CDADC1: variants seen among roughly 807,000 people sequenced by gnomAD.
CDADC1 encodes dCTP deaminase.
CDADC1 carries 39 observed loss-of-function variants against 54.9 expected under a neutral mutation model. That is an observed-to-expected ratio of 0.71 (90% CI 0.55 to 0.93). The LOEUF (loss-of-function observed/expected upper bound fraction) is 0.93, where lower values mean the gene tolerates loss of function less well. Among genes scored for constraint, CDADC1 ranks in the 40% least tolerant of loss-of-function variants. The pLI is 0.00. For synonymous variants in CDADC1, 186 were observed against 204.0 expected (o/e 0.91, Z 0.75); for missense variants, 518 against 618.8 (o/e 0.84, Z 1.73).
At chr13:49,248,210 C>A in intron 1 of CDADC1, 91 bp downstream of exon 1, 1 of 1,145,130 alleles carries the variant, frequency 8.7e-7, no homozygotes, top group Non-Finnish European at 1.3e-6. Context: ...TTGTCTGAGC[C>A]TCTTTGCCTC....
At chr13:49,250,088 T>A (rs994639647) in intron 2 of CDADC1, among the ~76,000 whole-genome samples, 2 of 152,232 alleles carry the variant, frequency 1.3e-5, no homozygotes, top group African/African-American at 4.8e-5. Flanking sequence ...ACTGTTAATA[T>A]TTTGGTGCTT....
chr13:49,249,689 C>T (rs544070130), intron 2 of CDADC1, among the ~76,000 whole-genome samples: 1 of 152,130 alleles, frequency 6.6e-6, no homozygotes, highest in African/African-American at 2.4e-5. Flanking sequence ...GCTGAGATTG[C>T]ACCACTGCAC....
At position 49,291,894 on chromosome 13, in the gene CDADC1, A is replaced by T; in HGVS notation, c.*137A>T. ...TTTTTAAGGAAGCTAATTTATTTCT[A>T]GGATACAAATGGTGTTAATAAGAAT... On this transcript the variant is annotated 3_prime_UTR_variant, in exon 10 of 10. Transcript: ENST00000251108. 7.0e-7 allele frequency: 1 copy of T among 1,432,890 alleles called. No homozygotes were observed. The highest frequency in any genetic ancestry group is 2.5e-5 in the East Asian group (1 of 39,246). The allele number at this position is 1,432,890 out of a possible 1,614,324, so 88.8% of individuals were successfully genotyped here. A position where few individuals can be genotyped will look rare whatever the true frequency, so the allele number is the denominator to read the frequency against.
chr13:49,291,500 T>C (rs111552596), intron 9 of CDADC1, among the ~76,000 whole-genome samples, 184 bp from the exon 10 acceptor site: 1,779 of 152,264 alleles, frequency 0.012, 34 homozygotes, highest in African/African-American at 0.039. Flanking sequence ...AAAAGCCAGA[T>C]TCTGTATTGC....
Position 49,282,236 on chromosome 13 carries a change from G to GTTTTTTTTTTTTTTTTTTT in CDADC1, c.1410+1539_1410+1557dup, listed in dbSNP as rs759792512. Among the ~76,000 whole-genome samples the GTTTTTTTTTTTTTTTTTTT allele has an allele frequency of 1.8e-4, 17 of 94,140 alleles. 1 individual carries two copies. The highest frequency in any genetic ancestry group is 3.5e-4 in the East Asian group (1 of 2,838). 61.8% of individuals were successfully genotyped at this position (94,140 alleles called of 152,430 possible). A position where few individuals can be genotyped will look rare whatever the true frequency, so the allele number is the denominator to read the frequency against. ...ACTATTTGGGTTCTGGTTTTTGTGG[G>GTTTTTTTTTTTTTTTTTTT]TTTTTTTTTTTTTTTTTTTGCTTTT... On this transcript the variant is annotated intron_variant, in intron 8 of 9. Coordinates refer to ENST00000251108, the MANE Select transcript of CDADC1 (RefSeq NM_030911.4).
At chr13:49,260,860 G>A (rs1030481023) in intron 4 of CDADC1, among the ~76,000 whole-genome samples, 3 of 152,136 alleles carry the variant, frequency 2.0e-5, no homozygotes, top group African/African-American at 7.2e-5. Context: ...GTGATATTTG[G>A]TCTCAGAGGA....
Position 49,280,608 on chromosome 13 carries a change from A to G in CDADC1, c.1320A>G (p.Gln440=), listed in dbSNP as rs937367335. The G allele has an allele frequency of 1.9e-6, 3 of 1,602,534 alleles. No homozygotes were observed. The highest frequency in any genetic ancestry group is 2.7e-5 in the African/African-American group (2 of 74,576). ...VPLIKGAGIK[Q]IYAGDVDVGK... is the part of the protein sequence containing the mutation. ...TAATTAAAGGTGCAGGCATAAAACA[A>G]ATCTATGCAGGAGATGTAGATGTTG... is the stretch of plus-strand genomic sequence containing the variant. Residue 440 remains glutamine, a synonymous_variant, in exon 8 of 10, where the codon CAA becomes CAG. Coordinates refer to ENST00000251108, the MANE Select transcript of CDADC1 (RefSeq NM_030911.4).
intron 8 of CDADC1, among the ~76,000 whole-genome samples, chr13:49,282,562 C>T (rs1953381719): frequency 6.6e-6 from 1 of 152,190 alleles, no homozygotes; most frequent in African/African-American, 2.4e-5. Flanking sequence ...CACATAATTA[C>T]AACCATAAAA....
intron 5 of CDADC1, among the ~76,000 whole-genome samples, chr13:49,268,673 G>A (rs1952887191): frequency 6.6e-6 from 1 of 152,004 alleles, no homozygotes; most frequent in African/African-American, 2.4e-5. Context: ...TCCAAAAAAA[G>A]AAAAAGGAGA....
At chr13:49,268,418 T>C (rs1376993075) in intron 5 of CDADC1, among the ~76,000 whole-genome samples, 3 of 152,206 alleles carry the variant, frequency 2.0e-5, no homozygotes, top group Middle Eastern at 3.4e-3. Flanking sequence ...TGCAACACTT[T>C]AGAAGGCTGA....
In CDADC1 at chr13:49,259,388, G is replaced by A. The variant is rs943019534; in HGVS notation, c.295G>A (p.Val99Ile). ...GLVVVKNMKI[V>I]GLHCSSEDLH... ...TGTGGTGGTGAAAAACATGAAAATT[G>A]TTGGTCTCCACTGTTCTAGTGAAGA... Residue 99 changes from valine (V) to isoleucine (I), a missense_variant, in exon 4 of 10, where the codon GTT becomes ATT. Val to Ile is a conservative substitution (Grantham distance 29). Transcript: ENST00000251108. 4 of 1,613,194 alleles carry A rather than the reference G, an allele frequency of 2.5e-6. No individual in the cohort carries two copies. Among genetic ancestry groups the A allele is most frequent in the Non-Finnish European group, 3.4e-6 (4 of 1,179,442 alleles).
At chr13:49,290,174 G>A (rs1953657902) in intron 9 of CDADC1, among the ~76,000 whole-genome samples, 1 of 151,994 alleles carries the variant, frequency 6.6e-6, no homozygotes, top group Non-Finnish European at 1.5e-5. Flanking sequence ...TGAGTGGGGT[G>A]AAAGGGGATG....
At chr13:49,289,113 TTTTTTGC>T (rs1399081118) in intron 9 of CDADC1, among the ~76,000 whole-genome samples, 2 of 140,710 alleles carry the variant, frequency 1.4e-5, no homozygotes, top group African/African-American at 5.2e-5. Flanking sequence ...AAGTAGCTTT[TTTTTTGC>T]TTTTTTTTTT....
intron 7 of CDADC1, among the ~76,000 whole-genome samples, chr13:49,279,363 A>G (rs1426489305): frequency 1.3e-5 from 2 of 152,292 alleles, no homozygotes; most frequent in East Asian, 3.9e-4. Context: ...TGGCATCTGA[A>G]CTGAGCTTTA....
At chr13:49,289,006 G>T (rs1275255043) in intron 9 of CDADC1, among the ~76,000 whole-genome samples, 1 of 151,758 alleles carries the variant, frequency 6.6e-6, no homozygotes, top group Non-Finnish European at 1.5e-5. Context: ...TGGGTCTGCT[G>T]CAAGGTGAGT....
intron 6 of CDADC1, among the ~76,000 whole-genome samples, chr13:49,275,724 TATAGAGAGAGAGAGAGAGAGAG>T (rs1566370137): frequency 1.0e-3 from 16 of 15,456 alleles, no homozygotes; most frequent in South Asian, 6.8e-3. Flanking sequence ...TATATATATA[TATAGAGAGAGAGAGAGAGAGAG>T]AGAGAGAGAG....
Position 49,267,635 on chromosome 13 carries a change from T to C in CDADC1, c.576T>C (p.Leu192=), listed in dbSNP as rs1344112369. 6.2e-7 allele frequency: 1 copy of C among 1,614,182 alleles called. No individual in the cohort carries two copies. Residue 192 remains leucine (L), a synonymous_variant, in exon 5 of 10, where the codon CTT becomes CTC. Coordinates refer to ENST00000251108, the MANE Select transcript of CDADC1 (RefSeq NM_030911.4). ...GTCGGGCCCATGTGTGTGTCTTACT[T>C]CAACCTTTGGTGTGTTATATGGTGC... ...SNSRAHVCVL[L]QPLVCYMVQF...
chr13:49,289,172 A>G (rs998538240), intron 9 of CDADC1, among the ~76,000 whole-genome samples: 2 of 114,230 alleles, frequency 1.8e-5, no homozygotes, highest in African/African-American at 6.9e-5. Flanking sequence ...TCTGTCGCCC[A>G]GTCTGGAGTG....
At chr13:49,273,351 G>A (rs532282418) in intron 5 of CDADC1, among the ~76,000 whole-genome samples, 2 of 152,248 alleles carry the variant, frequency 1.3e-5, no homozygotes, top group South Asian at 2.1e-4. Context: ...TATTTTCTAC[G>A]TGTAAATGTG....
Sources: gnomAD v4.1 joint callset for allele counts (sites outside exome capture counted in the v4.1 genomes callset) on GRCh38, gnomAD v4.1.1 for gene constraint, MANE v1.5 for transcripts, NCBI Gene and HGNC (gene_info 2026-07-23, HGNC 2026-07-21) for gene names.